PRKCZ: variants seen among roughly 807,000 people sequenced by gnomAD.
PRKCZ encodes the protein protein kinase C zeta type.
A neutral mutation model predicts 79.5 loss-of-function variants in PRKCZ; 33 were observed. The ratio of observed to expected loss-of-function variants is 0.41; its 90% CI spans 0.31 to 0.55. The LOEUF (loss-of-function observed/expected upper bound fraction) is 0.55. PRKCZ is among the 20% of genes least tolerant of loss of function. The pLI, the probability that PRKCZ is intolerant of heterozygous loss-of-function variation, is 0.19. For missense variants in PRKCZ, 578 were observed against 813.5 expected (o/e 0.71, Z 3.52); for synonymous variants, 342 against 320.9 (o/e 1.07, Z -0.70).
At chr1:2,160,031 C>G (rs1681899666) in intron 10 of PRKCZ, among the ~76,000 whole-genome samples, 1 of 152,198 alleles carries the variant, frequency 6.6e-6, no homozygotes, top group South Asian at 2.1e-4. Context: ...CATTCACTCG[C>G]TGTTCTAAAA....
chr1:2,059,056 A>G (rs1035452983), intron 3 of PRKCZ, among the ~76,000 whole-genome samples: 5 of 152,176 alleles, frequency 3.3e-5, no homozygotes, highest in African/African-American at 9.6e-5. Flanking sequence ...CGGCCTCCCA[A>G]AGTGCTGGGA....
chr1:2,119,926 G>T lies in PRKCZ; in HGVS notation c.335-15336G>T, dbSNP rs558925465. On this transcript the variant is annotated intron_variant, in intron 4 of 17. Transcript: ENST00000378567. Reference sequence around the variant, plus strand: ...CTCAGCCTCCTGAGGAGCTAGGATTGCAGGTGTGCGCCACCACGCCCAGTT... The same window carrying T: ...CTCAGCCTCCTGAGGAGCTAGGATTTCAGGTGTGCGCCACCACGCCCAGTT... Among the ~76,000 whole-genome samples, 5 of 151,692 alleles carry T rather than the reference G, an allele frequency of 3.3e-5. No individual in the cohort carries two copies. In the South Asian group the frequency reaches 1.0e-3, roughly 32 times the overall value.
At chr1:2,119,230 T>C (rs1446378895) in intron 4 of PRKCZ, among the ~76,000 whole-genome samples, 6 of 150,358 alleles carry the variant, frequency 4.0e-5, no homozygotes, top group Non-Finnish European at 7.4e-5. Context: ...TTTTTTTTTT[T>C]TGAGATGGAG....
chr1:2,077,181 G>A (rs532652854), intron 4 of PRKCZ, among the ~76,000 whole-genome samples: 13 of 152,346 alleles, frequency 8.5e-5, no homozygotes, highest in East Asian at 1.9e-4. Flanking sequence ...CCACGCTCAC[G>A]TATCGGGCAC....
chr1:2,151,077 G>A (rs1420809268), intron 9 of PRKCZ, 99 bp downstream of exon 9: 2 of 1,373,130 alleles, frequency 1.5e-6, no homozygotes, highest in East Asian at 2.4e-5. Flanking sequence ...GAGAGACCTA[G>A]CCTCACGTTG....
At chr1:2,162,123 A>G (rs1439083721) in intron 10 of PRKCZ, among the ~76,000 whole-genome samples, 1 of 152,148 alleles carries the variant, frequency 6.6e-6, no homozygotes, top group African/African-American at 2.4e-5. Flanking sequence ...AAAGAAAAAG[A>G]AACTGGGATT....
intron 4 of PRKCZ, among the ~76,000 whole-genome samples, chr1:2,093,266 G>T (rs1344510580): frequency 6.6e-6 from 1 of 152,132 alleles, no homozygotes. Flanking sequence ...GTGTGGGCCC[G>T]CTGGCCTCGC....
At chr1:2,132,103 G>T (rs184587050) in intron 4 of PRKCZ, among the ~76,000 whole-genome samples, 1 of 152,192 alleles carries the variant, frequency 6.6e-6, no homozygotes, top group Non-Finnish European at 1.5e-5. Context: ...GAGCCACCGT[G>T]CCTAGTATTG....
upstream of PRKCZ, among the ~76,000 whole-genome samples, chr1:2,050,229 A>G (rs1241277151): frequency 6.6e-6 from 1 of 151,648 alleles, no homozygotes; most frequent in Non-Finnish European, 1.5e-5. Flanking sequence ...GCCCCGCCCA[A>G]CAGGTAGCCC....
chr1:2,096,192 G>A lies in PRKCZ; in HGVS notation c.334+36601G>A, dbSNP rs1407249898. On this transcript the variant is annotated intron_variant, in intron 4 of 17. Transcript: ENST00000378567. ...CTCCCTGCGTCTGGCCTCTGGGTGGGTGGTGGTGGCTTCCTTGTGACTTCA... is the reference window on the plus strand; with the variant it reads ...CTCCCTGCGTCTGGCCTCTGGGTGGATGGTGGTGGCTTCCTTGTGACTTCA... 5.9e-5 allele frequency among the ~76,000 whole-genome samples: 9 copies of A among 152,082 alleles called. No individual in the cohort carries two copies. In the East Asian group the frequency reaches 1.8e-3, roughly 30 times the overall value.
chr1:2,077,805 CT>C (rs1423173014), intron 4 of PRKCZ, among the ~76,000 whole-genome samples: 5 of 152,224 alleles, frequency 3.3e-5, no homozygotes, highest in Non-Finnish European at 4.4e-5. Flanking sequence ...TACTTCCCTA[CT>C]TTCTCTGGGA....
At chr1:2,142,590 T>G in intron 5 of PRKCZ, 1 of 245,324 alleles carries the variant, frequency 4.1e-6, no homozygotes, top group South Asian at 3.8e-5. Flanking sequence ...CACCCATCCC[T>G]CCTTCGAATA....
chr1:2,164,080 T>A (rs1329991996), intron 10 of PRKCZ, among the ~76,000 whole-genome samples: 1 of 152,210 alleles, frequency 6.6e-6, no homozygotes, highest in African/African-American at 2.4e-5. Context: ...CCTGTCTTAG[T>A]GTGCTACTCT....
At chr1:2,090,119 C>T (rs559195471) in intron 4 of PRKCZ, among the ~76,000 whole-genome samples, 66 of 152,296 alleles carry the variant, frequency 4.3e-4, no homozygotes, top group African/African-American at 1.6e-3. Flanking sequence ...TCTAAGTCTG[C>T]TGTAATGACC....
Position 2,082,962 on chromosome 1 carries a change from A to C in PRKCZ, c.334+23371A>C, listed in dbSNP as rs1290255695. ...TGAGGGAGCAAGCCACCTCGGGCACAGGTGAAGGACAGGTGTCCACACCTT... is the reference window on the plus strand; with the variant it reads ...TGAGGGAGCAAGCCACCTCGGGCACCGGTGAAGGACAGGTGTCCACACCTT... On this transcript the variant is annotated intron_variant, in intron 4 of 17. Coordinates refer to ENST00000378567, the MANE Select transcript of PRKCZ (RefSeq NM_002744.6). This position sits in a 1 kb window ranked among gnomAD's most constrained non-coding sequence, Gnocchi z 4.4. Among the ~76,000 whole-genome samples, 2 of 152,120 alleles carry C rather than the reference A, an allele frequency of 1.3e-5. No individual in the cohort carries two copies. The highest frequency in any genetic ancestry group is 2.4e-5 in the African/African-American group (1 of 41,414).
chr1:2,135,146 C>G, intron 4 of PRKCZ, 116 bp from the exon 5 acceptor site: 1 of 827,992 alleles, frequency 1.2e-6, no homozygotes, highest in South Asian at 1.7e-5. Context: ...CCTTCCCTGC[C>G]TGGGAGGACG....
intron 4 of PRKCZ, among the ~76,000 whole-genome samples, chr1:2,120,034 G>A (rs560723745): frequency 5.9e-5 from 9 of 152,152 alleles, no homozygotes; most frequent in African/African-American, 2.2e-4. Flanking sequence ...GGCAGGTAGG[G>A]GGTTTCCCCC....
At chr1:2,120,730 AT>A (rs1292416486) in intron 4 of PRKCZ, among the ~76,000 whole-genome samples, 1 of 150,384 alleles carries the variant, frequency 6.6e-6, no homozygotes, top group African/African-American at 2.5e-5. Context: ...TTCAATGTGG[AT>A]TTTTTTCTAC....
At chr1:2,085,229 C>G (rs956640409) in intron 4 of PRKCZ, among the ~76,000 whole-genome samples, 4 of 152,224 alleles carry the variant, frequency 2.6e-5, no homozygotes, top group Non-Finnish European at 5.9e-5. Flanking sequence ...GAAACTTCAG[C>G]AACTTTTCCG....
Sources: gnomAD v4.1 joint callset for allele counts (sites outside exome capture counted in the v4.1 genomes callset) on GRCh38, gnomAD v4.1.1 for gene constraint, Gnocchi (gnomAD v3.1) non-coding constraint, MANE v1.5 for transcripts, NCBI Gene and HGNC (gene_info 2026-07-23, HGNC 2026-07-21) for gene names.